Variants in CATSPERD observed in about 807,000 individuals in gnomAD.
CATSPERD encodes the protein catsper channel auxiliary subunit delta, also known as cation channel sperm-associated auxiliary subunit delta.
In CATSPERD, 86 loss-of-function variants were observed where a neutral mutation model predicts 98.1. The ratio of observed to expected loss-of-function variants is 0.88; its 90% confidence interval spans 0.74 to 1.05. The LOEUF is 1.05. CATSPERD is among the 50% of genes least tolerant of loss of function. CATSPERD has a pLI of 0.00. For synonymous variants in CATSPERD, 394 were observed against 390.2 expected, an observed-to-expected ratio of 1.01 and a Z score of -0.12; for missense variants, 995 against 1,005.7, an observed-to-expected ratio of 0.99 and a Z score of 0.14.
chr19:5,722,284 G>C (rs988315490), intron 1 of CATSPERD, among the ~76,000 whole-genome samples: 3 of 152,122 alleles, frequency 2.0e-5, no homozygotes, highest in Non-Finnish European at 4.4e-5. Context: ...ACCACGTGCA[G>C]CTAATTTTTT....
At chr19:5,732,925 C>T (rs2055756214) in intron 4 of CATSPERD, among the ~76,000 whole-genome samples, 1 of 152,082 alleles carries the variant, frequency 6.6e-6, no homozygotes, top group Non-Finnish European at 1.5e-5. Flanking sequence ...GATCCGCCTG[C>T]CTTGGCTTCC....
intron 4 of CATSPERD, among the ~76,000 whole-genome samples, chr19:5,730,666 G>A (rs903573363): frequency 6.6e-6 from 1 of 152,080 alleles, no homozygotes; most frequent in Non-Finnish European, 1.5e-5. Context: ...TGTAATCCCT[G>A]CACATTGATT....
chr19:5,761,926 TG>T (rs2056442491), intron 15 of CATSPERD, among the ~76,000 whole-genome samples: 1 of 149,150 alleles, frequency 6.7e-6, no homozygotes, highest in African/African-American at 2.5e-5. Context: ...TTAGTAGAAA[TG>T]GGGTTTCACC....
chr19:5,776,173 T>G lies in CATSPERD; in HGVS notation c.1954T>G (p.Cys652Gly). Residue 652 changes from cysteine to glycine, a missense_variant, in exon 21 of 22, where the codon TGC (cysteine) becomes GGC (glycine). By Grantham distance (159) the Cys-to-Gly change is radical. Around this residue, in one of 3 missense-constraint regions of CATSPERD, gnomAD observed 762 missense variants for 773.7 expected, o/e 0.98. Coordinates refer to ENST00000381624, the MANE Select transcript of CATSPERD (RefSeq NM_152784.4). ...CTGTCCCCCACAGAACTATGTGAGC[T>G]GCCACGACCCCAACAACAATGCCCC... is the stretch of plus-strand genomic sequence containing the variant. ...FFWNRENYVS[C>G]HDPNNNAPLR... 6.2e-7 allele frequency: 1 copy of G among 1,614,158 alleles called. No homozygotes were observed. The highest frequency in any genetic ancestry group is 8.5e-7 in the Non-Finnish European group (1 of 1,180,004).
At chr19:5,742,200 ACATGTGTG>A (rs2055993288) in intron 7 of CATSPERD, among the ~76,000 whole-genome samples, 8 of 123,296 alleles carry the variant, frequency 6.5e-5, no homozygotes, top group East Asian at 2.1e-4. Flanking sequence ...GTGTGCGTGT[ACATGTGTG>A]CATGTGTGTA....
At chr19:5,776,831 G>A (rs989423947) in intron 21 of CATSPERD, among the ~76,000 whole-genome samples, 44 of 149,534 alleles carry the variant, frequency 2.9e-4, no homozygotes, top group African/African-American at 9.1e-4. Context: ...CTGAGATTGC[G>A]CCACTCACTG....
intron 7 of CATSPERD, among the ~76,000 whole-genome samples, chr19:5,741,989 T>C (rs370369580): frequency 6.0e-5 from 9 of 150,590 alleles, no homozygotes; most frequent in African/African-American, 1.7e-4. Context: ...TAAGCCCAGA[T>C]CGTGCCACTG....
At chr19:5,771,875 CTG>C (rs1186712367) in intron 19 of CATSPERD, among the ~76,000 whole-genome samples, 12 of 152,164 alleles carry the variant, frequency 7.9e-5, no homozygotes, top group African/African-American at 2.6e-4. Context: ...GGCCATCTTC[CTG>C]TTCTTATAAG....
intron 10 of CATSPERD, among the ~76,000 whole-genome samples, 197 bp downstream of exon 10, chr19:5,748,452 G>A (rs948166762): frequency 2.6e-5 from 4 of 151,614 alleles, no homozygotes; most frequent in Non-Finnish European, 5.9e-5. Context: ...CCAACATGGT[G>A]AAACCCCCTC....
chr19:5,769,854 C>T (rs576728332), intron 18 of CATSPERD, among the ~76,000 whole-genome samples: 50 of 151,080 alleles, frequency 3.3e-4, no homozygotes, highest in Admixed American at 6.6e-4. Flanking sequence ...TTTGGGAGGC[C>T]GAGACAGGTG....
At position 5,746,113 on chromosome 19, in the gene CATSPERD, A is replaced by AG. The variant is rs1253724209; in HGVS notation, c.808+54dup. The AG allele has an allele frequency of 2.6e-6, 4 of 1,521,428 alleles. No individual in the cohort carries two copies. The African/African-American group carries it at 5.4e-5, about 21-fold the overall frequency. The allele number at this position is 1,521,428 out of a possible 1,614,324, so 94.2% of individuals were successfully genotyped here. A position where few individuals can be genotyped will look rare whatever the true frequency, so the allele number is the denominator to read the frequency against. ...GCTGCCGCCTGGTGGCCTCCTCCAG[A>AG]GGGGCCGAGTACAGCCTGGATAAGG... is the stretch of plus-strand genomic sequence containing the variant. On this transcript the variant is annotated intron_variant, in intron 9 of 21. Coordinates refer to ENST00000381624, the MANE Select transcript of CATSPERD (RefSeq NM_152784.4).
In CATSPERD at chr19:5,725,582, T is replaced by C. The variant is rs144718597; in HGVS notation, c.126+720T>C. On this transcript the variant is annotated intron_variant, in intron 2 of 21. Transcript: ENST00000381624. ...GCATGAAGAAAAAATATTCTGTCAG[T>C]TCAAATTCGTTTCCTATTGACAAAA... Among the ~76,000 whole-genome samples the C allele has an allele frequency of 1.9e-3, 294 of 152,242 alleles. 3 individuals are homozygous for C. Among genetic ancestry groups the C allele is most frequent in the African/African-American group, 6.9e-3 (286 of 41,546 alleles).
intron 9 of CATSPERD, among the ~76,000 whole-genome samples, chr19:5,746,667 G>A (rs777267483): frequency 7.2e-5 from 11 of 151,804 alleles, no homozygotes; most frequent in East Asian, 3.9e-4. Context: ...TCTCCTGACC[G>A]CGTAATCCAC....
chr19:5,777,563 G>T (rs1187661627), intron 21 of CATSPERD, among the ~76,000 whole-genome samples: 3 of 152,194 alleles, frequency 2.0e-5, no homozygotes, highest in Admixed American at 6.5e-5. Flanking sequence ...CTGCCAGAGG[G>T]CATGGAGAGG....
At chr19:5,739,541 G>T in intron 7 of CATSPERD, 102 bp downstream of exon 7, 1 of 668,104 alleles carries the variant, frequency 1.5e-6, no homozygotes, top group Non-Finnish European at 2.5e-6. Flanking sequence ...CTCTTTAAGA[G>T]TCCAACTGGG....
At chr19:5,753,470 G>A (rs958520792) in intron 12 of CATSPERD, 3 of 203,796 alleles carry the variant, frequency 1.5e-5, no homozygotes, top group African/African-American at 7.1e-5. Context: ...ACTGAGGCAG[G>A]AGAATGGCAT....
intron 9 of CATSPERD, 82 bp downstream of exon 9, chr19:5,746,145 G>A: frequency 6.7e-7 from 1 of 1,490,884 alleles, no homozygotes; most frequent in South Asian, 1.2e-5. Context: ...AAGGGGAGGG[G>A]AAGGAGCAAC....
In CATSPERD at chr19:5,776,148, CTG is replaced by C. The variant is rs2056737889; in HGVS notation, c.1942-11_1942-10del. On this transcript the variant is annotated splice_polypyrimidine_tract_variant and intron_variant, in intron 20 of 21. Transcript: ENST00000381624. Reference sequence around the variant, plus strand: ...GTCCCTAGGGCCAGTGGGCATGTCTCTGTCCCCCACAGAACTATGTGAGCTGC... The same window carrying C: ...GTCCCTAGGGCCAGTGGGCATGTCTCTCCCCCACAGAACTATGTGAGCTGC... The C allele has an allele frequency of 6.2e-7, 1 of 1,613,370 alleles. No individual in the cohort carries two copies. Among genetic ancestry groups the C allele is most frequent in the African/African-American group, 1.3e-5 (1 of 74,942 alleles).
chr19:5,773,013 G>C, intron 20 of CATSPERD, 48 bp downstream of exon 20: 1 of 1,580,086 alleles, frequency 6.3e-7, no homozygotes, highest in East Asian at 2.2e-5. Context: ...AGCCCACCAG[G>C]GGGTGGGAGA....
Sources: allele counts gnomAD v4.1 joint callset (sites outside exome capture counted in the v4.1 genomes callset), GRCh38; gene constraint gnomAD v4.1.1; regional missense constraint gnomAD v4.1.1; transcripts MANE v1.5; gene names NCBI Gene and HGNC (gene_info 2026-07-23, HGNC 2026-07-21).